Variants in CDH4 observed in about 807,000 individuals in gnomAD.
The protein encoded by CDH4 is cadherin 4, also known as cadherin-4.
Under a neutral mutation model 86.0 loss-of-function variants are expected in CDH4, and 33 were observed. The ratio of observed to expected loss-of-function variants is 0.38; its 90% CI spans 0.29 to 0.51. CDH4 has a LOEUF of 0.51. Among genes scored for constraint, CDH4 ranks in the 20% least tolerant of loss-of-function variants. The pLI, the probability that CDH4 is intolerant of heterozygous loss-of-function variation, is 0.86. For missense variants in CDH4, 1,114 were observed against 1,307.4 expected (o/e 0.85, Z 2.28); for synonymous variants, 555 against 549.4 (o/e 1.01, Z -0.14).
chr20:61,825,996 A>G (rs1981293816), intron 4 of CDH4, among the ~76,000 whole-genome samples: 1 of 152,170 alleles, frequency 6.6e-6, no homozygotes. Context: ...TCCCACTGCC[A>G]CAGCGTGCTC....
intron 2 of CDH4, among the ~76,000 whole-genome samples, chr20:61,599,294 C>T (rs1394280030): frequency 1.3e-5 from 2 of 152,198 alleles, no homozygotes; most frequent in African/African-American, 2.4e-5. Flanking sequence ...TGCCGGGTGT[C>T]GGACTGGGGA....
chr20:61,354,429 C>T (rs2084734398), intron 2 of CDH4, among the ~76,000 whole-genome samples: 1 of 152,212 alleles, frequency 6.6e-6, no homozygotes, highest in South Asian at 2.1e-4. Context: ...TTTGCTGGGT[C>T]CTTATGAAAA....
chr20:61,470,347 T>C (rs1304688570), intron 2 of CDH4, among the ~76,000 whole-genome samples: 1 of 152,198 alleles, frequency 6.6e-6, no homozygotes, highest in Non-Finnish European at 1.5e-5. Flanking sequence ...TTGTTCACTG[T>C]TGACATATAG....
At chr20:61,560,921 C>T (rs1022644513) in intron 2 of CDH4, among the ~76,000 whole-genome samples, 9 of 152,214 alleles carry the variant, frequency 5.9e-5, no homozygotes, top group South Asian at 2.1e-4. Flanking sequence ...ATGAGAGGGA[C>T]GGGCCGGGGT....
chr20:61,499,459 C>A (rs1273692985), intron 2 of CDH4: 1 of 1,289,112 alleles, frequency 7.8e-7, no homozygotes, highest in Non-Finnish European at 1.0e-6. Context: ...TGACTTCATT[C>A]TCAGCGCCTC....
intron 8 of CDH4, among the ~76,000 whole-genome samples, chr20:61,910,141 G>A (rs2054833263): frequency 6.6e-6 from 1 of 151,958 alleles, no homozygotes; most frequent in South Asian, 2.1e-4. Flanking sequence ...GAGCTGGGCT[G>A]ACACGGTGTG....
intron 2 of CDH4, among the ~76,000 whole-genome samples, chr20:61,268,433 CTGATGCCGGGT>C (rs1249654774): frequency 1.3e-5 from 2 of 152,274 alleles, no homozygotes; most frequent in African/African-American, 4.8e-5. Flanking sequence ...TTGCTTTTTC[CTGATGCCGGGT>C]TGGCTTGCAT....
intron 2 of CDH4, among the ~76,000 whole-genome samples, chr20:61,576,565 C>A (rs372780709): frequency 2.0e-5 from 3 of 152,182 alleles, no homozygotes; most frequent in African/African-American, 4.8e-5. Flanking sequence ...TGACCGGAGG[C>A]AGACATCACT....
At chr20:61,769,029 CG>C (rs2088739230) in intron 3 of CDH4, among the ~76,000 whole-genome samples, 1 of 152,184 alleles carries the variant, frequency 6.6e-6, no homozygotes, top group Non-Finnish European at 1.5e-5. Flanking sequence ...CTCCGTCTCC[CG>C]CTGGGAGATG....
intron 3 of CDH4, 71 bp from the exon 4 acceptor site, chr20:61,772,932 C>T (rs1339326042): frequency 1.7e-5 from 23 of 1,378,068 alleles, no homozygotes; most frequent in Non-Finnish European, 2.1e-5. Context: ...ATCATCTTAG[C>T]AGATGCCATT....
intron 2 of CDH4, among the ~76,000 whole-genome samples, chr20:61,600,883 C>T (rs536925449): frequency 1.2e-4 from 19 of 152,112 alleles, no homozygotes; most frequent in Non-Finnish European, 2.1e-4. Context: ...GCAGAACCCG[C>T]GGGTGTGGAA....
intron 4 of CDH4, among the ~76,000 whole-genome samples, chr20:61,827,667 T>G (rs535687151): frequency 1.8e-4 from 28 of 152,360 alleles, no homozygotes; most frequent in African/African-American, 6.3e-4. Flanking sequence ...GGCTATGGCC[T>G]CTAAAGACCG....
chr20:61,745,363 T>C (rs1346848013), intron 3 of CDH4, among the ~76,000 whole-genome samples: 1 of 152,154 alleles, frequency 6.6e-6, no homozygotes. Context: ...GGGAGGGACC[T>C]GTGTCTTCTT....
chr20:61,371,507 A>G (rs1370783370), intron 2 of CDH4, among the ~76,000 whole-genome samples: 1 of 152,224 alleles, frequency 6.6e-6, no homozygotes, highest in African/African-American at 2.4e-5. Context: ...CAGCCGTCGT[A>G]TAGGTGGACT....
intron 2 of CDH4, among the ~76,000 whole-genome samples, chr20:61,278,020 G>A (rs1038158881): frequency 1.2e-4 from 19 of 152,208 alleles, no homozygotes; most frequent in Admixed American, 7.9e-4. Context: ...TGAAAAGCAC[G>A]TCTGTTGCCA....
At chr20:61,899,290 A>G (rs866144825) in intron 8 of CDH4, among the ~76,000 whole-genome samples, 1 of 118,698 alleles carries the variant, frequency 8.4e-6, no homozygotes, top group South Asian at 3.0e-4. Context: ...TCTCAAAAAA[A>G]AAAAAGAAAA....
At chr20:61,783,721 C>T (rs79422880) in intron 4 of CDH4, among the ~76,000 whole-genome samples, 1 of 62,124 alleles carries the variant, frequency 1.6e-5, no homozygotes, top group Non-Finnish European at 3.4e-5. Flanking sequence ...GACAGTTCTC[C>T]GGGCCCTCAG....
chr20:61,893,939 G>A lies in CDH4; in HGVS notation c.1051-971G>A, dbSNP rs543545224. On this transcript the variant is annotated intron_variant, in intron 7 of 15. Transcript: ENST00000614565. Reference sequence around the variant, plus strand: ...GTAATTCCTTACGGAGCCAGTTTATGGAACTTGAGCACGTTTCACTGAATC... The same window carrying A: ...GTAATTCCTTACGGAGCCAGTTTATAGAACTTGAGCACGTTTCACTGAATC... Among the ~76,000 whole-genome samples the A allele has an allele frequency of 9.2e-5, 14 of 152,238 alleles. 1 individual carries two copies. In the South Asian group the frequency reaches 2.9e-3, roughly 32 times the overall value.
intron 9 of CDH4, among the ~76,000 whole-genome samples, chr20:61,914,592 C>G (rs193268303): frequency 1.6e-5 from 1 of 64,400 alleles, no homozygotes; most frequent in African/African-American, 3.2e-5. Context: ...CTTGCAGGCC[C>G]CATCCCTCAG....
Sources: gnomAD v4.1 joint callset for allele counts (sites outside exome capture counted in the v4.1 genomes callset) on GRCh38, gnomAD v4.1.1 for gene constraint, MANE v1.5 for transcripts, NCBI Gene and HGNC (gene_info 2026-07-23, HGNC 2026-07-21) for gene names.